The following ANKRD33B variants were observed in gnomAD, a reference collection of about 807,000 sequenced individuals.
The protein encoded by ANKRD33B is ankyrin repeat domain-containing protein 33B.
In ANKRD33B, 6 loss-of-function variants were observed where a neutral mutation model predicts 21.5. The ratio of observed to expected loss-of-function variants is 0.28; its 90% confidence interval spans 0.15 to 0.55. The LOEUF is 0.55. Among genes scored for constraint, ANKRD33B ranks in the 20% least tolerant of loss-of-function variants. The pLI is 0.94. For missense variants in ANKRD33B, 698 were observed against 747.2 expected, an observed-to-expected ratio of 0.93 and a Z score of 0.77; for synonymous variants, 347 against 342.4, an observed-to-expected ratio of 1.01 and a Z score of -0.15.
At chr5:10,577,767 C>T (rs560357369) in intron 1 of ANKRD33B, among the ~76,000 whole-genome samples, 136 of 152,346 alleles carry the variant, frequency 8.9e-4, no homozygotes, top group Non-Finnish European at 1.7e-3. Flanking sequence ...CAGCTTTTGT[C>T]TCTGGTGTTA....
At chr5:10,639,988 C>T (rs574263125) in intron 3 of ANKRD33B, among the ~76,000 whole-genome samples, 3 of 64,612 alleles carry the variant, frequency 4.6e-5, no homozygotes, top group African/African-American at 8.6e-5. Flanking sequence ...CGGAGTTGCG[C>T]GGCGATGTTA....
At chr5:10,589,446 G>T (rs892212137) in intron 1 of ANKRD33B, among the ~76,000 whole-genome samples, 5 of 152,204 alleles carry the variant, frequency 3.3e-5, no homozygotes, top group African/African-American at 1.2e-4. Flanking sequence ...CAAGGTAAGG[G>T]AGTACATTTC....
At chr5:10,577,517 G>C (rs1428060225) in intron 1 of ANKRD33B, among the ~76,000 whole-genome samples, 1 of 152,212 alleles carries the variant, frequency 6.6e-6, no homozygotes, top group Non-Finnish European at 1.5e-5. Flanking sequence ...CCGGTGTCGG[G>C]CTATGCACAG....
chr5:10,638,877 A>G (rs1560984562), intron 3 of ANKRD33B, among the ~76,000 whole-genome samples: 1 of 151,076 alleles, frequency 6.6e-6, no homozygotes, highest in Non-Finnish European at 1.5e-5. Context: ...TTGCATGGTA[A>G]TGTTAGCGGG....
intron 2 of ANKRD33B, among the ~76,000 whole-genome samples, chr5:10,632,196 G>A (rs1736736792): frequency 6.6e-6 from 1 of 152,038 alleles, no homozygotes; most frequent in Non-Finnish European, 1.5e-5. Flanking sequence ...CAGCGTGGGG[G>A]GCGATGGGGG....
intron 3 of ANKRD33B, among the ~76,000 whole-genome samples, chr5:10,644,645 T>C (rs1275001757): frequency 2.6e-5 from 4 of 152,250 alleles, no homozygotes; most frequent in Non-Finnish European, 5.9e-5. Context: ...AGGGAAGCCC[T>C]GATATCTCTT....
intron 1 of ANKRD33B, among the ~76,000 whole-genome samples, chr5:10,605,402 T>C (rs193098216): frequency 7.7e-4 from 118 of 152,328 alleles, no homozygotes; most frequent in South Asian, 1.2e-3. Flanking sequence ...GTACAGGGTA[T>C]GGAATGAATA....
rs553055316 is a variant in ANKRD33B, at chr5:10,580,225, G to A, written c.366+15392G>A. The stretch of plus-strand genomic sequence containing the variant: ...TAAATTACCTGTCAATTACAGTGGA[G>A]GATGAGGGGCTGAGTCTTTTAAAGT... On this transcript the variant is annotated intron_variant, in intron 1 of 3. Coordinates refer to ENST00000296657, the MANE Select transcript of ANKRD33B (RefSeq NM_001164440.2). Among the ~76,000 whole-genome samples the A allele has an allele frequency of 1.4e-4, 22 of 152,352 alleles. 2 individuals are homozygous for A. The South Asian group carries it at 4.3e-3, about 30-fold the overall frequency.
chr5:10,566,049 C>G (rs1419312508), intron 1 of ANKRD33B, among the ~76,000 whole-genome samples: 1 of 152,158 alleles, frequency 6.6e-6, no homozygotes, highest in African/African-American at 2.4e-5. Flanking sequence ...TACTACATTG[C>G]CCCCGTGATT....
At chr5:10,616,310 T>C (rs536368015) in intron 1 of ANKRD33B, among the ~76,000 whole-genome samples, 13 of 152,296 alleles carry the variant, frequency 8.5e-5, no homozygotes, top group African/African-American at 2.9e-4. Flanking sequence ...CTCACGCCTG[T>C]AATCCTAGCA....
chr5:10,579,352 G>A (rs1266407030), intron 1 of ANKRD33B, among the ~76,000 whole-genome samples: 1 of 130,494 alleles, frequency 7.7e-6, no homozygotes, highest in Admixed American at 7.4e-5. Context: ...GCTAAGTAAT[G>A]GTTTTTTTTT....
At chr5:10,605,162 C>T (rs989498196) in intron 1 of ANKRD33B, among the ~76,000 whole-genome samples, 8 of 152,326 alleles carry the variant, frequency 5.3e-5, no homozygotes, top group African/African-American at 7.2e-5. Flanking sequence ...GTCCACAGGG[C>T]GTGGCGGCCG....
At chr5:10,603,756 T>G (rs1735980984) in intron 1 of ANKRD33B, among the ~76,000 whole-genome samples, 2 of 152,190 alleles carry the variant, frequency 1.3e-5, no homozygotes, top group African/African-American at 4.8e-5. Flanking sequence ...AAATGTATAT[T>G]TATCTTATGG....
chr5:10,587,078 G>A (rs192712594), intron 1 of ANKRD33B, among the ~76,000 whole-genome samples: 1 of 152,114 alleles, frequency 6.6e-6, no homozygotes, highest in East Asian at 1.9e-4. Context: ...GCAGTTGTGC[G>A]ATCTTGGCTC....
intron 1 of ANKRD33B, among the ~76,000 whole-genome samples, chr5:10,594,634 A>C (rs557537353): frequency 1.7e-4 from 26 of 152,316 alleles, no homozygotes; most frequent in African/African-American, 6.0e-4. Flanking sequence ...CACGACCTCA[A>C]AACTGAAGCC....
chr5:10,602,475 A>T (rs141074192), intron 1 of ANKRD33B, among the ~76,000 whole-genome samples: 309 of 152,350 alleles, frequency 2.0e-3, no homozygotes, highest in South Asian at 3.9e-3. Context: ...AAATTAGGCC[A>T]CACTTTTTGT....
At chr5:10,572,197 A>G (rs915546037) in intron 1 of ANKRD33B, among the ~76,000 whole-genome samples, 12 of 152,108 alleles carry the variant, frequency 7.9e-5, no homozygotes, top group Non-Finnish European at 1.2e-4. Flanking sequence ...CCAGGGCATC[A>G]GTATTTTCTA....
At chr5:10,647,797 T>C (rs1275239178) in intron 3 of ANKRD33B, among the ~76,000 whole-genome samples, 1 of 152,236 alleles carries the variant, frequency 6.6e-6, no homozygotes, top group Non-Finnish European at 1.5e-5. Flanking sequence ...CCAGGAAACC[T>C]TGGTCTTTGC....
intron 2 of ANKRD33B, among the ~76,000 whole-genome samples, chr5:10,623,445 G>A (rs1236900152): frequency 6.6e-6 from 1 of 152,172 alleles, no homozygotes; most frequent in Non-Finnish European, 1.5e-5. Context: ...CATCTGCTTA[G>A]GCTGTGATAA....
Sources: gnomAD v4.1 joint callset for allele counts (sites outside exome capture counted in the v4.1 genomes callset) on GRCh38, gnomAD v4.1.1 for gene constraint, MANE v1.5 for transcripts, NCBI Gene and HGNC (gene_info 2026-07-23, HGNC 2026-07-21) for gene names.